The following PPFIBP1 variants were observed in gnomAD, a reference collection of about 807,000 sequenced individuals.
PPFIBP1 encodes liprin-beta-1.
Under a neutral mutation model 137.8 loss-of-function variants are expected in PPFIBP1, and 112 were observed. The observed-to-expected ratio is 0.81, with a 90% CI of 0.70 to 0.95. PPFIBP1 has a LOEUF of 0.95. Ranked by LOEUF, PPFIBP1 falls within the 40% of genes least tolerant of loss-of-function variation. The pLI is 0.00. For missense variants in PPFIBP1, 1,083 were observed against 1,196.6 expected (o/e 0.91, Z 1.40); for synonymous variants, 378 against 417.3 (o/e 0.91, Z 1.15).
chr12:27,600,479 A>G (rs1191314904), intron 2 of PPFIBP1, among the ~76,000 whole-genome samples: 1 of 152,112 alleles, frequency 6.6e-6, no homozygotes, highest in African/African-American at 2.4e-5. Flanking sequence ...TAACATACAG[A>G]AAATGATATG....
At chr12:27,635,201 G>A in intron 4 of PPFIBP1, 86 bp downstream of exon 4, 3 of 1,341,740 alleles carry the variant, frequency 2.2e-6, no homozygotes, top group South Asian at 2.4e-5. Flanking sequence ...ATTAGAACAA[G>A]AAAAGTTTAG....
chr12:27,622,875 G>T (rs568438991), intron 2 of PPFIBP1, among the ~76,000 whole-genome samples: 1 of 152,158 alleles, frequency 6.6e-6, no homozygotes, highest in Non-Finnish European at 1.5e-5. Flanking sequence ...TTAATAAAAA[G>T]AAATACTGAT....
chr12:27,680,212 T>C (rs1195956784), intron 21 of PPFIBP1, 151 bp downstream of exon 21: 5 of 1,142,026 alleles, frequency 4.4e-6, no homozygotes, highest in Non-Finnish European at 6.1e-6. Context: ...AGCCGTGCAA[T>C]TTGTCAATGG....
chr12:27,658,843 A>C lies in PPFIBP1; in HGVS notation c.839A>C (p.Glu280Ala), dbSNP rs766560161. 1.9e-6 allele frequency: 3 copies of C among 1,613,192 alleles called. No individual in the cohort carries two copies. The highest frequency in any genetic ancestry group is 2.5e-6 in the Non-Finnish European group (3 of 1,179,336). The change falls in exon 10 of 30, where the codon GAA becomes GCA. Residue 280 changes from glutamate (E) to alanine (A), a missense_variant. By Grantham distance (107) the Glu-to-Ala change is moderately radical (BLOSUM62 -1). Coordinates refer to ENST00000228425, the MANE Select transcript of PPFIBP1 (RefSeq NM_003622.4). ...RDENFKKKLKEKNIEVQKMKK... is the reference protein window; with the variant it reads ...RDENFKKKLKAKNIEVQKMKK... ...GAAAATTTTAAAAAGAAGCTCAAAG[A>C]AAAAAGTAAGGTTTGGTGCATTTCC...
At chr12:27,529,053 C>CT (rs1343846225) in intron 1 of PPFIBP1, among the ~76,000 whole-genome samples, 1 of 152,172 alleles carries the variant, frequency 6.6e-6, no homozygotes, top group Non-Finnish European at 1.5e-5. Context: ...AGGGGTGCAC[C>CT]TAACAATGTC....
intron 2 of PPFIBP1, among the ~76,000 whole-genome samples, chr12:27,611,112 T>G (rs2055060242): frequency 6.6e-6 from 1 of 152,220 alleles, no homozygotes; most frequent in African/African-American, 2.4e-5. Flanking sequence ...AATTGCCAAA[T>G]ATGCTATATC....
In PPFIBP1 at chr12:27,633,489, CACA is replaced by C. The variant is rs754972136; in HGVS notation, c.64+33_64+35del. 7.6e-6 allele frequency: 12 copies of C among 1,587,772 alleles called. No individual in the cohort carries two copies. In the African/African-American group the frequency reaches 1.3e-4, roughly 18 times the overall value. On this transcript the variant is annotated intron_variant, in intron 3 of 29. Coordinates refer to ENST00000228425, the MANE Select transcript of PPFIBP1 (RefSeq NM_003622.4). ...ATCTGCATCCTGTGAAAGACAGAAT[CACA>C]ACATTTACTCTCCTCACTTGGCTTT...
intron 1 of PPFIBP1, among the ~76,000 whole-genome samples, chr12:27,559,006 T>C (rs565011058): frequency 2.0e-5 from 3 of 152,020 alleles, no homozygotes; most frequent in South Asian, 2.1e-4. Context: ...ACTACAGACA[T>C]GTGCCACCAC....
At chr12:27,619,722 T>C (rs1429337052) in intron 2 of PPFIBP1, among the ~76,000 whole-genome samples, 1 of 152,178 alleles carries the variant, frequency 6.6e-6, no homozygotes, top group African/African-American at 2.4e-5. Context: ...CACAGGGCAA[T>C]AGAAACGTTG....
At chr12:27,607,857 A>G (rs1332977442) in intron 2 of PPFIBP1, among the ~76,000 whole-genome samples, 1 of 152,178 alleles carries the variant, frequency 6.6e-6, no homozygotes, top group East Asian at 1.9e-4. Flanking sequence ...CTAACCAAAA[A>G]TACTCTGGGG....
intron 4 of PPFIBP1, among the ~76,000 whole-genome samples, chr12:27,644,187 C>A (rs2058306116): frequency 6.6e-6 from 1 of 151,342 alleles, no homozygotes; most frequent in African/African-American, 2.4e-5. Flanking sequence ...AGTGATCCCC[C>A]TCCCTCAGTC....
In PPFIBP1 at chr12:27,668,483, T is replaced by C. The variant is rs575274330; in HGVS notation, c.1146+1163T>C. ...GTTGCCAATCCTCTGGGCTATTGGC[T>C]CTTCCCTCTAAGTCATGCTTCCTTT... On this transcript the variant is annotated intron_variant, in intron 13 of 29. Coordinates refer to ENST00000228425, the MANE Select transcript of PPFIBP1 (RefSeq NM_003622.4). Among the ~76,000 whole-genome samples the C allele has an allele frequency of 9.5e-4, 144 of 152,346 alleles. 1 individual carries two copies. The highest frequency in any genetic ancestry group is 3.4e-3 in the African/African-American group (140 of 41,588).
intron 2 of PPFIBP1, among the ~76,000 whole-genome samples, chr12:27,591,783 C>T (rs1470580816): frequency 6.6e-6 from 1 of 152,170 alleles, no homozygotes; most frequent in Non-Finnish European, 1.5e-5. Flanking sequence ...CCTAAGTGGG[C>T]CACTACTACA....
At chr12:27,525,238 CA>C (rs1439770688) in intron 1 of PPFIBP1, among the ~76,000 whole-genome samples, 1 of 151,934 alleles carries the variant, frequency 6.6e-6, no homozygotes, top group Non-Finnish European at 1.5e-5. Context: ...CTGCGGAGAG[CA>C]ATAGAAAAAG....
chr12:27,653,457 G>A (rs545810540), intron 7 of PPFIBP1, among the ~76,000 whole-genome samples: 2 of 151,890 alleles, frequency 1.3e-5, no homozygotes, highest in Non-Finnish European at 2.9e-5. Context: ...CATGGTGGTG[G>A]GTGCCTGTAA....
intron 1 of PPFIBP1, among the ~76,000 whole-genome samples, chr12:27,562,147 G>T (rs2049220498): frequency 6.6e-6 from 1 of 151,946 alleles, no homozygotes; most frequent in Admixed American, 6.6e-5. Context: ...ACTGTCTCTT[G>T]TATTTTCACT....
chr12:27,608,097 A>G (rs2054718909), intron 2 of PPFIBP1, among the ~76,000 whole-genome samples: 1 of 152,192 alleles, frequency 6.6e-6, no homozygotes, highest in African/African-American at 2.4e-5. Flanking sequence ...TTGGAAGCAA[A>G]TTTTCCTTAA....
chr12:27,593,911 G>A (rs7976122), intron 2 of PPFIBP1: 39,594 of 1,494,246 alleles, frequency 0.026, 660 homozygotes, highest in East Asian at 0.049. Flanking sequence ...TGGAAGGTGC[G>A]TCTTCCCAGG....
chr12:27,577,402 CTT>C (rs2050662535), intron 1 of PPFIBP1, among the ~76,000 whole-genome samples: 3 of 152,126 alleles, frequency 2.0e-5, no homozygotes, highest in African/African-American at 7.2e-5. Flanking sequence ...GGCCCTGACT[CTT>C]TATGCATTTG....
Sources: gnomAD v4.1 joint callset for allele counts (sites outside exome capture counted in the v4.1 genomes callset) on GRCh38, gnomAD v4.1.1 for gene constraint, MANE v1.5 for transcripts, NCBI Gene and HGNC (gene_info 2026-07-23, HGNC 2026-07-21) for gene names.